The following N4BP2L2 variants were observed in gnomAD, a reference collection of about 807,000 sequenced individuals.
N4BP2L2 encodes NEDD4-binding protein 2-like 2.
In N4BP2L2, 50 loss-of-function variants were observed where a neutral mutation model predicts 56.2. The observed-to-expected ratio is 0.89, with a 90% CI of 0.71 to 1.13. N4BP2L2 has a LOEUF of 1.13. Among genes scored for constraint, N4BP2L2 ranks in the 50% most tolerant of loss-of-function variants. The probability of loss-of-function intolerance (pLI) is 0.00; values close to 1 mark genes in which losing one functional copy is unlikely to be tolerated. For missense variants in N4BP2L2, 689 were observed against 693.8 expected (o/e 0.99, Z 0.08); for synonymous variants, 203 against 223.6 (o/e 0.91, Z 0.82).
At chr13:32,433,646 G>T (rs1042238450) in intron 9 of N4BP2L2, among the ~76,000 whole-genome samples, 16 of 150,750 alleles carry the variant, frequency 1.1e-4, no homozygotes, top group Non-Finnish European at 2.1e-4. Context: ...AATAAAAAAG[G>T]CTGGGCACGG....
intron 2 of N4BP2L2, among the ~76,000 whole-genome samples, chr13:32,530,137 A>G (rs959997784): frequency 2.6e-5 from 4 of 152,226 alleles, no homozygotes; most frequent in African/African-American, 7.2e-5. Flanking sequence ...CAATACACCA[A>G]TTTATATCAT....
rs146480930 is a variant in N4BP2L2 at position 32,519,207 on chromosome 13, G to A, written c.1551-1204C>T. Among the ~76,000 whole-genome samples, 548 of 147,996 alleles carry A rather than the reference G, an allele frequency of 3.7e-3. 5 individuals carry two copies. The highest frequency in any genetic ancestry group is 0.013 in the African/African-American group (498 of 39,694). ...GGAATGCTTGGGCCCAGGAGTTCAA[G>A]AGCCCAGTGTAGGCAATATGGCAAA... On this transcript the variant is annotated intron_variant, in intron 5 of 5. Coordinates refer to ENST00000267068, the Ensembl canonical transcript of N4BP2L2.
At chr13:32,465,195 G>A (rs1020628882) in intron 6 of N4BP2L2, among the ~76,000 whole-genome samples, 2 of 152,044 alleles carry the variant, frequency 1.3e-5, no homozygotes, top group African/African-American at 4.8e-5. Flanking sequence ...TCAAACTCCT[G>A]ACCTTGTGAT....
chr13:32,502,656 CAACTT>C (rs929847769), intron 6 of N4BP2L2, among the ~76,000 whole-genome samples: 38 of 152,256 alleles, frequency 2.5e-4, no homozygotes, highest in African/African-American at 8.9e-4. Flanking sequence ...GTCAAAACTG[CAACTT>C]AACTTCGAAT....
intron 6 of N4BP2L2, among the ~76,000 whole-genome samples, chr13:32,459,546 G>T (rs2079622128): frequency 6.6e-6 from 1 of 151,816 alleles, no homozygotes; most frequent in Non-Finnish European, 1.5e-5. Context: ...ATAAATTCTG[G>T]GACATATATA....
chr13:32,478,168 G>A (rs936156546), intron 6 of N4BP2L2: 15 of 751,900 alleles, frequency 2.0e-5, no homozygotes, highest in South Asian at 9.7e-5. Context: ...GAAGAACTTG[G>A]GCAGGTAAAA....
Position 32,436,401 on chromosome 13 carries a change from CT to C in N4BP2L2, c.2194del (p.Arg732AspfsTer9). 8.1e-7 allele frequency: 1 copy of C among 1,229,828 alleles called. No individual in the cohort carries two copies. Among genetic ancestry groups the C allele is most frequent in the Non-Finnish European group, 1.1e-6 (1 of 882,850 alleles). The allele number at this position is 1,229,828 out of a possible 1,614,324, so 76.2% of individuals were successfully genotyped here. On this transcript the variant is annotated frameshift_variant, in exon 9 of 10. Coordinates refer to the N4BP2L2 transcript ENST00000357505. LOFTEE classifies it high-confidence loss of function. ...CATTTTTCAACCAATCTTCTTCTGT[CT>C]TTTCTAGAAATTATAATTAAAATAC... is the stretch of plus-strand genomic sequence containing the variant.
exon 1 of N4BP2L2, chr13:32,538,740 A>G (rs2057264283): frequency 6.1e-6 from 6 of 985,448 alleles, no homozygotes; most frequent in Non-Finnish European, 7.2e-6. Context: ...TGGAGGGACT[A>G]AAAGCCCACC....
intron 6 of N4BP2L2, among the ~76,000 whole-genome samples, chr13:32,504,149 T>C (rs536895023): frequency 6.6e-6 from 1 of 152,308 alleles, no homozygotes; most frequent in African/African-American, 2.4e-5. Context: ...TTAAGGCAAA[T>C]GCCCTAACTT....
At chr13:32,437,942 T>A (rs2075712895) in intron 8 of N4BP2L2, among the ~76,000 whole-genome samples, 1 of 152,228 alleles carries the variant, frequency 6.6e-6, no homozygotes, top group South Asian at 2.1e-4. Flanking sequence ...TTAAGGTATG[T>A]AGCACTTCTC....
intron 6 of N4BP2L2, among the ~76,000 whole-genome samples, chr13:32,472,099 G>T (rs1198236856): frequency 1.3e-5 from 2 of 152,122 alleles, no homozygotes; most frequent in Non-Finnish European, 2.9e-5. Flanking sequence ...AAAATAGGAT[G>T]GTCTATAAGA....
intron 6 of N4BP2L2, among the ~76,000 whole-genome samples, chr13:32,486,632 C>T (rs1462831292): frequency 3.3e-5 from 5 of 151,498 alleles, no homozygotes; most frequent in African/African-American, 7.3e-5. Flanking sequence ...GCCAAAATTG[C>T]GCCACTGCAC....
intron 8 of N4BP2L2, chr13:32,438,645 TA>T (rs776964557): frequency 2.5e-4 from 396 of 1,566,676 alleles, no homozygotes; most frequent in Non-Finnish European, 3.2e-4. Context: ...CACACACACA[TA>T]TATACCTCCA....
exon 6 of N4BP2L2, chr13:32,517,599 G>A: frequency 7.4e-7 from 1 of 1,354,724 alleles, no homozygotes; most frequent in Non-Finnish European, 9.5e-7. Context: ...ATTACAACAA[G>A]AGAATATAAA....
chr13:32,498,468 G>A (rs151103756), intron 6 of N4BP2L2, among the ~76,000 whole-genome samples: 41 of 152,014 alleles, frequency 2.7e-4, no homozygotes, highest in African/African-American at 8.0e-4. Context: ...TGCCTCAGCC[G>A]AATAGCTGGG....
intron 1 of N4BP2L2, among the ~76,000 whole-genome samples, chr13:32,537,638 T>A (rs1054565895): frequency 6.6e-6 from 1 of 152,172 alleles, no homozygotes; most frequent in Non-Finnish European, 1.5e-5. Context: ...TAAATGGGTA[T>A]AGTGTGTTCA....
At chr13:32,536,271 T>A in exon 2 of N4BP2L2, 1 of 1,613,712 alleles carries the variant, frequency 6.2e-7, no homozygotes, top group Non-Finnish European at 8.5e-7. Context: ...AATGTAGGTA[T>A]TACTTGTCCA....
Position 32,495,750 on chromosome 13 carries a change from C to T in N4BP2L2, c.365+22107G>A, listed in dbSNP as rs2088440615. Reference sequence around the variant, plus strand: ...CCAGGCTTGAGTGCAGTGGCGTGATCCCAGCTCATTGCAACCTCCGCCTCC... The same window carrying T: ...CCAGGCTTGAGTGCAGTGGCGTGATTCCAGCTCATTGCAACCTCCGCCTCC... On this transcript the variant is annotated intron_variant, in intron 6 of 9. Coordinates refer to the N4BP2L2 transcript ENST00000357505. Among the ~76,000 whole-genome samples the T allele has an allele frequency of 2.6e-5, 4 of 152,176 alleles. No individual in the cohort carries two copies. The South Asian group carries it at 8.3e-4, about 32-fold the overall frequency.
rs368621196 is a variant in N4BP2L2 at position 32,502,061 on chromosome 13, A to ATT, written c.365+15794_365+15795dup. ...TTTATCCTTCTAGACCTACTACAGCATTTTTTTTTTTTTTTTTTTTGAGAC... is the reference window on the plus strand; with the variant it reads ...TTTATCCTTCTAGACCTACTACAGCATTTTTTTTTTTTTTTTTTTTTTGAGAC... On this transcript the variant is annotated intron_variant, in intron 6 of 9. Transcript: ENST00000357505. Among the ~76,000 whole-genome samples the ATT allele has an allele frequency of 7.9e-4, 99 of 125,400 alleles. 2 individuals are homozygous for ATT. Among genetic ancestry groups the ATT allele is most frequent in the East Asian group, 3.2e-3 (14 of 4,406 alleles). The allele number at this position is 125,400 out of a possible 152,430, so 82.3% of individuals were successfully genotyped here. A position where few individuals can be genotyped will look rare whatever the true frequency, so the allele number is the denominator to read the frequency against.
Sources: allele counts gnomAD v4.1 joint callset (sites outside exome capture counted in the v4.1 genomes callset), GRCh38; gene constraint gnomAD v4.1.1; transcripts MANE v1.5; gene names NCBI Gene and HGNC (gene_info 2026-07-23, HGNC 2026-07-21).